The following NTM variants were observed in gnomAD, a reference collection of about 807,000 sequenced individuals.
NTM encodes the protein IgLON family member 2.
In NTM, 13 loss-of-function variants were observed where a neutral mutation model predicts 42.1. That is an observed-to-expected ratio of 0.31 (90% confidence interval 0.20 to 0.49). NTM has a LOEUF of 0.49. Among genes scored for constraint, NTM ranks in the 20% least tolerant of loss-of-function variants. NTM has a pLI of 0.99. For missense variants in NTM, 373 were observed against 452.8 expected (o/e 0.82, Z 1.60); for synonymous variants, 187 against 179.2 (o/e 1.04, Z -0.35).
intron 2 of NTM, among the ~76,000 whole-genome samples, chr11:132,110,052 C>A (rs759286618): frequency 6.6e-6 from 1 of 152,208 alleles, no homozygotes; most frequent in Non-Finnish European, 1.5e-5. Context: ...TTCACTTGGG[C>A]TCAACTCTAG....
At chr11:131,945,414 C>T (rs1004788590) in intron 2 of NTM, among the ~76,000 whole-genome samples, 4 of 152,172 alleles carry the variant, frequency 2.6e-5, no homozygotes, top group African/African-American at 9.7e-5. Flanking sequence ...GTTAGCAGCA[C>T]CTTCTTGACT....
chr11:131,818,799 A>G (rs2136387043), intron 1 of NTM, among the ~76,000 whole-genome samples: 1 of 152,244 alleles, frequency 6.6e-6, no homozygotes, highest in African/African-American at 2.4e-5. Context: ...ATCTATGTGG[A>G]CTATAATGGG....
At chr11:132,090,327 G>C (rs1790179) in intron 2 of NTM, among the ~76,000 whole-genome samples, 31,356 of 151,926 alleles carry the variant, frequency 0.21, 3,427 homozygotes, top group Middle Eastern at 0.38. Context: ...AGCGTGTTAG[G>C]CCCACGAAAA....
chr11:132,158,590 A>T (rs1566328809), intron 3 of NTM, among the ~76,000 whole-genome samples: 1 of 152,220 alleles, frequency 6.6e-6, no homozygotes, highest in South Asian at 2.1e-4. Flanking sequence ...TGCCTAGAAC[A>T]GGGTCTGGTG....
In NTM at chr11:131,371,506, C is replaced by A. The variant is rs1003941799; in HGVS notation, c.82+618C>A. Reference sequence around the variant, plus strand: ...GTCGGAGGTGTGGAAGCGAGGGGAGCCGGGGCTCTGAAATTCTAAAAAGCT... The same window carrying A: ...GTCGGAGGTGTGGAAGCGAGGGGAGACGGGGCTCTGAAATTCTAAAAAGCT... On this transcript the variant is annotated intron_variant, in intron 1 of 8. Transcript: ENST00000683400. 5.3e-5 allele frequency among the ~76,000 whole-genome samples: 8 copies of A among 151,786 alleles called. No individual in the cohort carries two copies. In the South Asian group the frequency reaches 1.7e-3, roughly 32 times the overall value.
chr11:131,443,276 G>A (rs1253991564), intron 1 of NTM, among the ~76,000 whole-genome samples: 2 of 152,278 alleles, frequency 1.3e-5, no homozygotes, highest in East Asian at 3.9e-4. Context: ...ATTCAACAAT[G>A]AAGACTGGCC....
intron 2 of NTM, among the ~76,000 whole-genome samples, chr11:132,071,055 C>A (rs189514761): frequency 0.24 from 28,655 of 118,592 alleles, 4,853 homozygotes; most frequent in African/African-American, 0.3. Flanking sequence ...TAACACGTCA[C>A]ACTGACCGTC....
chr11:131,522,191 G>A (rs984276328), intron 1 of NTM, among the ~76,000 whole-genome samples: 1 of 152,010 alleles, frequency 6.6e-6, no homozygotes, highest in Non-Finnish European at 1.5e-5. Flanking sequence ...TAGCATCCCC[G>A]GCTGACTTTT....
Position 131,421,552 on chromosome 11 carries a change from G to A in NTM, c.82+50664G>A, listed in dbSNP as rs190956228. Among the ~76,000 whole-genome samples, 25 of 152,344 alleles carry A rather than the reference G, an allele frequency of 1.6e-4. No individual in the cohort carries two copies. The East Asian group carries it at 3.5e-3, about 21-fold the overall frequency. On this transcript the variant is annotated intron_variant, in intron 1 of 8. Coordinates refer to ENST00000683400, the MANE Select transcript of NTM (RefSeq NM_001352005.2). ...GGGGCTTAATTAGGACTCATTTATA[G>A]GAAGCTACTGCATATGCAGTTCCAG...
intron 3 of NTM, among the ~76,000 whole-genome samples, chr11:132,177,144 G>A (rs1229531847): frequency 6.6e-6 from 1 of 152,172 alleles, no homozygotes; most frequent in Non-Finnish European, 1.5e-5. Context: ...GCAAAGTGAA[G>A]GTGATTATCA....
At chr11:132,192,543 C>T (rs913426040) in intron 3 of NTM, among the ~76,000 whole-genome samples, 2 of 152,118 alleles carry the variant, frequency 1.3e-5, no homozygotes, top group African/African-American at 4.8e-5. Flanking sequence ...AAGAATAGTA[C>T]CTGCCATGCT....
chr11:131,647,596 G>C (rs1215183459), intron 1 of NTM, among the ~76,000 whole-genome samples: 1 of 152,202 alleles, frequency 6.6e-6, no homozygotes, highest in Non-Finnish European at 1.5e-5. Flanking sequence ...TCTTGCCAAA[G>C]TTGTGAATTC....
At chr11:131,452,750 C>T (rs1295325637) in intron 1 of NTM, among the ~76,000 whole-genome samples, 1 of 152,178 alleles carries the variant, frequency 6.6e-6, no homozygotes, top group Non-Finnish European at 1.5e-5. Context: ...CTGAGAGCTC[C>T]TGCACCCTTC....
At chr11:131,521,469 C>T (rs1228635780) in intron 1 of NTM, among the ~76,000 whole-genome samples, 5 of 116,934 alleles carry the variant, frequency 4.3e-5, no homozygotes, top group Non-Finnish European at 6.5e-5. Context: ...GCAGTGGCGG[C>T]GCAATCTCGG....
intron 8 of NTM, among the ~76,000 whole-genome samples, chr11:132,330,979 A>G (rs1246267312): frequency 6.6e-6 from 1 of 152,196 alleles, no homozygotes. Flanking sequence ...TAAGGTCTTC[A>G]TCTCATCTCA....
chr11:132,158,701 C>T lies in NTM; in HGVS notation c.400+12187C>T, dbSNP rs2073705331. Among the ~76,000 whole-genome samples the T allele has an allele frequency of 2.0e-5, 3 of 152,248 alleles. No individual in the cohort carries two copies. In the South Asian group the frequency reaches 6.2e-4, roughly 31 times the overall value. On this transcript the variant is annotated intron_variant, in intron 3 of 8. Coordinates refer to ENST00000683400, the MANE Select transcript of NTM (RefSeq NM_001352005.2). ...ATCATATTTTCTCAGTGTTTGCTCT[C>T]TCTTTGGTCAGGCGTGAGAGCATGA...
At chr11:131,651,850 A>G (rs1437933141) in intron 1 of NTM, among the ~76,000 whole-genome samples, 2 of 52,606 alleles carry the variant, frequency 3.8e-5, no homozygotes, top group Non-Finnish European at 7.8e-5. Flanking sequence ...CGCCCCCCCG[A>G]CCCAAAAAAA....
chr11:131,747,943 G>C (rs1418069423), intron 1 of NTM, among the ~76,000 whole-genome samples: 2 of 152,098 alleles, frequency 1.3e-5, no homozygotes, highest in African/African-American at 4.8e-5. Flanking sequence ...ACTGACAACA[G>C]GCCCTCCACT....
At chr11:132,063,444 C>A (rs1407596099) in intron 2 of NTM, among the ~76,000 whole-genome samples, 1 of 152,082 alleles carries the variant, frequency 6.6e-6, no homozygotes, top group Non-Finnish European at 1.5e-5. Context: ...GGTGTGACTT[C>A]TCCGTCTATT....
Sources: allele counts gnomAD v4.1 joint callset (sites outside exome capture counted in the v4.1 genomes callset), GRCh38; gene constraint gnomAD v4.1.1; transcripts MANE v1.5; gene names NCBI Gene and HGNC (gene_info 2026-07-23, HGNC 2026-07-21).